Variants in SLC14A2 observed in about 807,000 individuals in gnomAD.
SLC14A2 encodes solute carrier family 14 member 2, also known as urea transporter 2.
In SLC14A2, 91 loss-of-function variants were observed where a neutral mutation model predicts 104.6. The observed-to-expected ratio is 0.87, with a 90% confidence interval of 0.73 to 1.04. SLC14A2 has a LOEUF of 1.04. Among genes scored for constraint, SLC14A2 ranks in the 50% least tolerant of loss-of-function variants. The pLI, the probability that SLC14A2 is intolerant of heterozygous loss-of-function variation, is 0.00. For missense variants in SLC14A2, 1,189 were observed against 1,156.0 expected (o/e 1.03, Z -0.41); for synonymous variants, 476 against 466.4 (o/e 1.02, Z -0.27).
At chr18:45,276,629 T>C (rs1489320000) in intron 1 of SLC14A2, among the ~76,000 whole-genome samples, 4 of 152,238 alleles carry the variant, frequency 2.6e-5, no homozygotes, top group Non-Finnish European at 5.9e-5. Flanking sequence ...TATTAGACAT[T>C]ACCTATGTTA....
chr18:45,239,466 A>T (rs2084288726), intron 1 of SLC14A2, among the ~76,000 whole-genome samples: 1 of 152,236 alleles, frequency 6.6e-6, no homozygotes, highest in Non-Finnish European at 1.5e-5. Flanking sequence ...CCCGGGCAGG[A>T]TCCCTGAGGT....
At position 45,405,655 on chromosome 18, in the gene SLC14A2, C is replaced by T. The variant is rs527784335; in HGVS notation, c.-124-77578C>T. 8.8e-4 allele frequency among the ~76,000 whole-genome samples: 134 copies of T among 152,208 alleles called. 1 individual carries two copies. The highest frequency in any genetic ancestry group is 3.0e-3 in the African/African-American group (126 of 41,532). The stretch of plus-strand genomic sequence containing the variant: ...TGGTGGCTCTTGCCTGTAATTCCAG[C>T]GCTTTGGGAGGCCGAGGCAGGTGGA... On this transcript the variant is annotated intron_variant, in intron 1 of 20. Coordinates refer to the SLC14A2 transcript ENST00000586448.
At chr18:45,463,401 G>T (rs1160759354) in intron 1 of SLC14A2, among the ~76,000 whole-genome samples, 2 of 152,208 alleles carry the variant, frequency 1.3e-5, no homozygotes, top group African/African-American at 2.4e-5. Context: ...TTAATGGGGT[G>T]ATGGTGAGGA....
chr18:45,506,383 T>C (rs1346679131), intron 2 of SLC14A2, among the ~76,000 whole-genome samples: 1 of 152,186 alleles, frequency 6.6e-6, no homozygotes, highest in Non-Finnish European at 1.5e-5. Context: ...ACTGGGTGTT[T>C]GCTGAATTCC....
chr18:45,390,818 C>T (rs2144411221), intron 1 of SLC14A2, among the ~76,000 whole-genome samples: 1 of 152,246 alleles, frequency 6.6e-6, no homozygotes, highest in South Asian at 2.1e-4. Flanking sequence ...GTGAGACACT[C>T]AATATTGTTG....
At chr18:45,600,438 C>T (rs555521208) in intron 2 of SLC14A2, among the ~76,000 whole-genome samples, 38 of 152,276 alleles carry the variant, frequency 2.5e-4, no homozygotes, top group African/African-American at 8.7e-4. Flanking sequence ...GAAATTGAGT[C>T]AGGCATCCCT....
chr18:45,294,230 T>C (rs2084898920), intron 1 of SLC14A2, among the ~76,000 whole-genome samples: 1 of 152,178 alleles, frequency 6.6e-6, no homozygotes, highest in African/African-American at 2.4e-5. Flanking sequence ...TATATATATA[T>C]AGAAAGAGTG....
At chr18:45,359,223 C>T (rs1310525052) in intron 1 of SLC14A2, among the ~76,000 whole-genome samples, 1 of 152,150 alleles carries the variant, frequency 6.6e-6, no homozygotes, top group African/African-American at 2.4e-5. Context: ...TTTTATAGGG[C>T]TGGTTTGAGC....
At chr18:45,203,371 G>T in the SLC14A2 span, among the ~76,000 whole-genome samples, 2 of 152,148 alleles carry the variant, frequency 1.3e-5, no homozygotes, top group African/African-American at 4.8e-5. Context: ...TCACTTCAAG[G>T]TTCAGGCGGA....
chr18:45,683,212 A>G lies in SLC14A2; in HGVS notation c.*693A>G, dbSNP rs2046339260. Reference sequence around the variant, plus strand: ...TACCAAGAACTGTGCATTAGCCCGGAAGGCAAGAGGGTTGGTTCTGCCCCA... The same window carrying G: ...TACCAAGAACTGTGCATTAGCCCGGGAGGCAAGAGGGTTGGTTCTGCCCCA... On this transcript the variant is annotated 3_prime_UTR_variant, in exon 20 of 20. Transcript: ENST00000255226. 6.6e-6 allele frequency: 1 copy of G among 152,254 alleles called. No individual in the cohort carries two copies. The allele number at this position is 152,254 out of a possible 1,614,324, so 9.4% of individuals were successfully genotyped here. A position where few individuals can be genotyped will look rare whatever the true frequency, so the allele number is the denominator to read the frequency against.
At chr18:45,553,373 C>T (rs535756959) in intron 2 of SLC14A2, among the ~76,000 whole-genome samples, 25 of 152,322 alleles carry the variant, frequency 1.6e-4, no homozygotes, top group African/African-American at 5.8e-4. Flanking sequence ...CTTGACCAGC[C>T]TAAGCCCTGA....
intron 1 of SLC14A2, among the ~76,000 whole-genome samples, chr18:45,295,823 A>G (rs1568139655): frequency 6.6e-6 from 1 of 152,148 alleles, no homozygotes; most frequent in Non-Finnish European, 1.5e-5. Context: ...TATCAAAGAA[A>G]CACATTTTTA....
At chr18:45,316,572 A>T (rs2085131332) in intron 1 of SLC14A2, among the ~76,000 whole-genome samples, 1 of 152,242 alleles carries the variant, frequency 6.6e-6, no homozygotes, top group Non-Finnish European at 1.5e-5. Flanking sequence ...ATAAAGGTTT[A>T]GAGATCCTGC....
intron 10 of SLC14A2, among the ~76,000 whole-genome samples, chr18:45,644,831 G>T (rs1201894203): frequency 6.6e-6 from 1 of 152,146 alleles, no homozygotes; most frequent in Non-Finnish European, 1.5e-5. Flanking sequence ...CTTAGTTTAG[G>T]TCAAACCAGC....
chr18:45,177,633 G>A, the SLC14A2 span, among the ~76,000 whole-genome samples: 1 of 152,096 alleles, frequency 6.6e-6, no homozygotes, highest in African/African-American at 2.4e-5. Flanking sequence ...TGCCAGAGGA[G>A]TCTTCCTTGA....
At chr18:45,643,027 AG>A in intron 8 of SLC14A2, 104 bp from the exon 9 acceptor site, 6 of 924,896 alleles carry the variant, frequency 6.5e-6, no homozygotes, top group Non-Finnish European at 1.1e-5. Context: ...TGCAGGAGAG[AG>A]GGTGGGGCTC....
chr18:45,292,527 G>A (rs551056777), intron 1 of SLC14A2, among the ~76,000 whole-genome samples: 10 of 152,234 alleles, frequency 6.6e-5, no homozygotes, highest in Non-Finnish European at 1.2e-4. Context: ...AGGCTTTCAC[G>A]CATGATCTCA....
At chr18:45,581,963 T>G (rs1180093726) in intron 2 of SLC14A2, among the ~76,000 whole-genome samples, 2 of 152,194 alleles carry the variant, frequency 1.3e-5, no homozygotes, top group Non-Finnish European at 2.9e-5. Flanking sequence ...TACCACAGAC[T>G]GGGTAATTTA....
rs536195416 is a variant in SLC14A2, at chr18:45,236,996, C to T, written c.-125+23805C>T. ...AGAGCCCAGAACTTGTGCTGCTAGG[C>T]ATATGAGTGTAACCACTGACAACTG... On this transcript the variant is annotated intron_variant, in intron 1 of 20. Transcript: ENST00000586448. 1.2e-4 allele frequency among the ~76,000 whole-genome samples: 18 copies of T among 152,188 alleles called. No individual in the cohort carries two copies. In the South Asian group the frequency reaches 3.5e-3, roughly 30 times the overall value.
Sources: allele counts gnomAD v4.1 joint callset (sites outside exome capture counted in the v4.1 genomes callset), GRCh38; gene constraint gnomAD v4.1.1; transcripts MANE v1.5; gene names NCBI Gene and HGNC (gene_info 2026-07-23, HGNC 2026-07-21).